Variants in CCNYL1 observed in about 807,000 individuals in gnomAD.
CCNYL1 encodes the protein cyclin-Y-like protein 1.
CCNYL1 carries 16 observed loss-of-function variants against 44.2 expected under a neutral mutation model. The observed-to-expected ratio is 0.36, with a 90% CI of 0.25 to 0.55. The LOEUF is 0.55. CCNYL1 is among the 20% of genes least tolerant of loss of function. The pLI is 0.85. For missense variants in CCNYL1, 348 were observed against 451.8 expected (o/e 0.77, Z 2.08); for synonymous variants, 159 against 163.2 (o/e 0.97, Z 0.20).
intron 3 of CCNYL1, among the ~76,000 whole-genome samples, chr2:207,727,301 A>G (rs1307756990): frequency 1.3e-5 from 2 of 152,054 alleles, no homozygotes; most frequent in African/African-American, 4.8e-5. Flanking sequence ...CATATATATC[A>G]CATTTTTAAT....
chr2:207,717,906 C>CTTTT (rs5838085), intron 1 of CCNYL1, among the ~76,000 whole-genome samples: 1 of 138,932 alleles, frequency 7.2e-6, no homozygotes, highest in Admixed American at 7.4e-5. Flanking sequence ...ATTTTTAATT[C>CTTTT]TTTTTTTTTT....
chr2:207,751,652 C>G (rs1559174062), intron 9 of CCNYL1, among the ~76,000 whole-genome samples: 1 of 152,104 alleles, frequency 6.6e-6, no homozygotes, highest in Non-Finnish European at 1.5e-5. Context: ...GTTGGGAGTT[C>G]AAGACCAGCC....
At chr2:207,736,921 T>G (rs988794206) in intron 4 of CCNYL1, among the ~76,000 whole-genome samples, 70 of 151,464 alleles carry the variant, frequency 4.6e-4, no homozygotes, top group Non-Finnish European at 1.6e-4. Flanking sequence ...TTACTGGGTT[T>G]TTTTTTTTTT....
Position 207,711,644 on chromosome 2 carries a change from A to G in CCNYL1, c.-253A>G, listed in dbSNP as rs2091547410. The G allele has an allele frequency of 2.0e-5, 3 of 153,650 alleles. No homozygotes were observed. In the South Asian group the frequency reaches 5.9e-4, roughly 30 times the overall value. The allele number at this position is 153,650 out of a possible 1,614,324, so 9.5% of individuals were successfully genotyped here. On this transcript the variant is annotated 5_prime_UTR_variant, in exon 1 of 10. Transcript: ENST00000295414. ...GCCGGGCTGGTCACCGCCCTCGCAGACGAGTCAGCTTAAGGGAGGCGGCGG... is the reference window on the plus strand; with the variant it reads ...GCCGGGCTGGTCACCGCCCTCGCAGGCGAGTCAGCTTAAGGGAGGCGGCGG...
At chr2:207,715,586 G>A (rs779570483) in intron 1 of CCNYL1, among the ~76,000 whole-genome samples, 3 of 151,112 alleles carry the variant, frequency 2.0e-5, no homozygotes, top group Admixed American at 6.6e-5. Context: ...CAGTATGTTG[G>A]CCAGGCTGGT....
At chr2:207,724,995 T>A in intron 2 of CCNYL1, 121 bp downstream of exon 2, 1 of 707,584 alleles carries the variant, frequency 1.4e-6, no homozygotes, top group African/African-American at 1.8e-5. Flanking sequence ...TCTTTTCATA[T>A]GTTCACTGAT....
Position 207,751,068 on chromosome 2 carries a change from C to T in CCNYL1, c.918C>T (p.Asn306=), listed in dbSNP as rs2091887019. 1.2e-6 allele frequency: 2 copies of T among 1,614,108 alleles called. No homozygotes were observed. The highest frequency in any genetic ancestry group is 1.7e-6 in the Non-Finnish European group (2 of 1,179,990). ...TTCGCTCCTTAGCAGATGACAACAA[C>T]CTGAATTTTCTATTTGCTCCTCTTA... ...FDLRSLADDN[N]LNFLFAPLSK... The change falls in exon 9 of 10, where the codon AAC becomes AAT. Residue 306 remains asparagine, a synonymous_variant. Transcript: ENST00000295414.
At chr2:207,721,192 C>T (rs1370772931) in intron 1 of CCNYL1, among the ~76,000 whole-genome samples, 1 of 152,034 alleles carries the variant, frequency 6.6e-6, no homozygotes, top group South Asian at 2.1e-4. Flanking sequence ...AAACAGATGC[C>T]CAGCAGTTGG....
intron 7 of CCNYL1, among the ~76,000 whole-genome samples, chr2:207,746,743 G>T (rs2091857471): frequency 2.0e-5 from 3 of 152,200 alleles, no homozygotes; most frequent in African/African-American, 7.2e-5. Context: ...ATTTTGGGAG[G>T]ATCTGGTGGA....
At chr2:207,745,650 A>T (rs1375548313) in intron 7 of CCNYL1, among the ~76,000 whole-genome samples, 1 of 152,236 alleles carries the variant, frequency 6.6e-6, no homozygotes, top group East Asian at 1.9e-4. Context: ...AAGCTCTGTT[A>T]AAATGAACTT....
intron 5 of CCNYL1, among the ~76,000 whole-genome samples, chr2:207,738,108 T>C (rs1343140637): frequency 6.6e-6 from 1 of 152,240 alleles, no homozygotes. Context: ...AGCTGTAATT[T>C]GTTTTGAAGA....
In CCNYL1 at chr2:207,724,835, A is replaced by G. The variant is rs1052497937; in HGVS notation, c.256A>G (p.Arg86Gly). 2.5e-6 allele frequency: 4 copies of G among 1,613,610 alleles called. No homozygotes were observed. Among genetic ancestry groups the G allele is most frequent in the Non-Finnish European group, 3.4e-6 (4 of 1,179,838 alleles). Residue 86 changes from arginine to glycine, a missense_variant, in exon 2 of 10, where the codon AGG (arginine) becomes GGG (glycine). This residue lies in a region of CCNYL1 where 209 missense variants were observed against 247.7 expected (regional missense o/e 0.84). Transcript: ENST00000295414. ...GGAGTCAAACCCTTCTGACCATCCA[A>G]GGGCAAGCACAATTTTCCTGAGCAA... ...ALESNPSDHPRASTIFLSKSQ... is the reference protein window; with the variant it reads ...ALESNPSDHPGASTIFLSKSQ...
At chr2:207,745,786 T>C (rs892815521) in intron 7 of CCNYL1, among the ~76,000 whole-genome samples, 2 of 152,124 alleles carry the variant, frequency 1.3e-5, no homozygotes, top group African/African-American at 4.8e-5. Flanking sequence ...CCGTCTCTAC[T>C]AAAAATACAA....
At chr2:207,741,875 G>T (rs1333959104) in intron 6 of CCNYL1, among the ~76,000 whole-genome samples, 1 of 150,554 alleles carries the variant, frequency 6.6e-6, no homozygotes. Context: ...CTTAGGCCGG[G>T]CGTGGTGTCT....
At chr2:207,714,407 C>A in intron 1 of CCNYL1, 1 of 417,576 alleles carries the variant, frequency 2.4e-6, no homozygotes, top group Non-Finnish European at 4.6e-6. Flanking sequence ...AGCAGTCCTC[C>A]CACCTCAGCC....
chr2:207,739,415 A>G (rs915348293), intron 5 of CCNYL1, among the ~76,000 whole-genome samples: 2 of 151,958 alleles, frequency 1.3e-5, no homozygotes, highest in African/African-American at 4.8e-5. Flanking sequence ...GTATTAGTAG[A>G]GATGGGGTTT....
Position 207,726,883 on chromosome 2 carries a change from A to T in CCNYL1, c.330+7A>T. ...GAGCAACCATTTGAACCATGTAAGTAAACAGTTGGAAAGCTAAGAAATTAA... is the reference window on the plus strand; with the variant it reads ...GAGCAACCATTTGAACCATGTAAGTTAACAGTTGGAAAGCTAAGAAATTAA... On this transcript the variant is annotated splice_region_variant and intron_variant, in intron 3 of 9. Coordinates refer to ENST00000295414, the MANE Select transcript of CCNYL1 (RefSeq NM_001330218.2). The T allele has an allele frequency of 6.5e-7, 1 of 1,544,008 alleles. No individual in the cohort carries two copies. Among genetic ancestry groups the T allele is most frequent in the African/African-American group, 1.4e-5 (1 of 70,254 alleles).
rs1218922867 is a variant in CCNYL1 at position 207,711,974 on chromosome 2, G to C, written c.78G>C (p.Leu26=). Residue 26 remains leucine (L), a synonymous_variant, in exon 1 of 10, where the codon CTG becomes CTC. Transcript: ENST00000295414. The stretch of plus-strand genomic sequence containing the variant: ...GCCGGCGCGCGGGGTCGGCGGAGCT[G>C]TACTGCGCGTCCGACATCTACGAGG... ...KLGRRAGSAE[L]YCASDIYEAV... The C allele has an allele frequency of 6.9e-7, 1 of 1,449,352 alleles. No homozygotes were observed. Among genetic ancestry groups the C allele is most frequent in the African/African-American group, 1.5e-5 (1 of 67,772 alleles). The allele number at this position is 1,449,352 out of a possible 1,614,324, so 89.8% of individuals were successfully genotyped here.
In CCNYL1 at chr2:207,751,102, A is replaced by C. The variant is rs1461906457; in HGVS notation, c.952A>C (p.Arg318=). Residue 318 remains arginine, a synonymous_variant, in exon 9 of 10, where the codon AGA becomes CGA. Coordinates refer to ENST00000295414, the MANE Select transcript of CCNYL1 (RefSeq NM_001330218.2). ...TCTATTTGCTCCTCTTAGCAAAGAAAGAGCACAGAACCTAGAGGTAAGGCT... is the reference window on the plus strand; with the variant it reads ...TCTATTTGCTCCTCTTAGCAAAGAACGAGCACAGAACCTAGAGGTAAGGCT... ...NFLFAPLSKE[R]AQNLEAISRL... 1.2e-6 allele frequency: 2 copies of C among 1,614,054 alleles called. No homozygotes were observed. Among genetic ancestry groups the C allele is most frequent in the Non-Finnish European group, 1.7e-6 (2 of 1,180,012 alleles).
Sources: allele counts gnomAD v4.1 joint callset (sites outside exome capture counted in the v4.1 genomes callset), GRCh38; gene constraint gnomAD v4.1.1; regional missense constraint gnomAD v4.1.1; transcripts MANE v1.5; gene names NCBI Gene and HGNC (gene_info 2026-07-23, HGNC 2026-07-21).